Variants in TPR observed in about 807,000 individuals in gnomAD.
The protein encoded by TPR is nucleoprotein TPR.
A neutral mutation model predicts 316.1 loss-of-function variants in TPR; 51 were observed. That is an observed-to-expected ratio of 0.16 (90% confidence interval 0.13 to 0.20). The LOEUF (loss-of-function observed/expected upper bound fraction) is 0.20. Ranked by LOEUF, TPR falls within the 10% of genes least tolerant of loss-of-function variation. The pLI, the probability that TPR is intolerant of heterozygous loss-of-function variation, is 1.00. For missense variants in TPR, 2,272 were observed against 2,754.8 expected, an observed-to-expected ratio of 0.82 and a Z score of 3.92; for synonymous variants, 981 against 914.7, an observed-to-expected ratio of 1.07 and a Z score of -1.31.
chr1:186,346,532 C>G (rs1188255806), intron 22 of TPR, among the ~76,000 whole-genome samples: 1 of 152,056 alleles, frequency 6.6e-6, no homozygotes, highest in Non-Finnish European at 1.5e-5. Flanking sequence ...AATTTCCAAT[C>G]TCTCATTTCT....
At chr1:186,344,932 T>C (rs1369224045) in intron 24 of TPR, among the ~76,000 whole-genome samples, 1 of 152,120 alleles carries the variant, frequency 6.6e-6, no homozygotes, top group Non-Finnish European at 1.5e-5. Flanking sequence ...GTCACATATA[T>C]ATAGGCAATA....
intron 21 of TPR, 138 bp downstream of exon 21, chr1:186,350,085 A>C (rs558964974): frequency 4.6e-4 from 403 of 874,684 alleles, no homozygotes; most frequent in Non-Finnish European, 5.7e-4. Context: ...TATATAAAGA[A>C]AAAGTTGGGT....
At position 186,339,771 on chromosome 1, in the gene TPR, T is replaced by C. The variant is rs753887327; in HGVS notation, c.4022A>G (p.His1341Arg). The C allele has an allele frequency of 1.3e-6, 2 of 1,572,304 alleles. No homozygotes were observed. The highest frequency in any genetic ancestry group is 2.3e-5 in the East Asian group (1 of 43,682). ...TGGATCTTTCTGTTGACTTACTAGA[T>C]GCTAGAATAACAAAAATGCATACTT... ...DVKRWKARNQ[H>R]LVSQQKDPDT... is the part of the protein sequence containing the mutation. Residue 1341 changes from histidine (H) to arginine (R), a missense_variant and splice_region_variant, in exon 30 of 51, where the codon CAT becomes CGT. Physicochemically the swap from His to Arg is conservative, Grantham distance 29. Transcript: ENST00000367478.
rs937820692 is a variant in TPR, at chr1:186,374,903, C to T, written c.126G>A (p.Arg42=). 1.3e-6 allele frequency: 2 copies of T among 1,598,692 alleles called. No individual in the cohort carries two copies. Among genetic ancestry groups the T allele is most frequent in the Admixed American group, 1.7e-5 (1 of 59,634 alleles). ...QQSEIDGLKG[R]HEKFKVESEQ... is the part of the protein sequence containing the mutation. ...CGCTCTCCACCTTAAATTTCTCATGCCGCCCCTTCAGGCCATCGATCTCGG... is the reference window on the plus strand; with the variant it reads ...CGCTCTCCACCTTAAATTTCTCATGTCGCCCCTTCAGGCCATCGATCTCGG... Residue 42 remains arginine, a synonymous_variant, in exon 1 of 51, where the codon CGG becomes CGA. Coordinates refer to ENST00000367478, the MANE Select transcript of TPR (RefSeq NM_003292.3).
chr1:186,324,415 A>C (rs1326395512), intron 42 of TPR, among the ~76,000 whole-genome samples: 1 of 152,156 alleles, frequency 6.6e-6, no homozygotes. Flanking sequence ...GGTTTTCCTG[A>C]ATTTTGAATT....
chr1:186,311,691 T>C lies in TPR; in HGVS notation c.*2280A>G, dbSNP rs977949316. 4.7e-6 allele frequency: 6 copies of C among 1,282,096 alleles called. No homozygotes were observed. The African/African-American group carries it at 8.9e-5, about 19-fold the overall frequency. 79.4% of individuals were successfully genotyped at this position (1,282,096 alleles called of 1,614,324 possible). A position where few individuals can be genotyped will look rare whatever the true frequency, so the allele number is the denominator to read the frequency against. ...TGACTTTACTGTCAAAAGATATCTTTAATGGCTGAAATCAAATATTTTCAG... is the reference window on the plus strand; with the variant it reads ...TGACTTTACTGTCAAAAGATATCTTCAATGGCTGAAATCAAATATTTTCAG... On this transcript the variant is annotated 3_prime_UTR_variant, in exon 51 of 51. Transcript: ENST00000367478.
At chr1:186,337,903 A>C (rs1658387919) in intron 31 of TPR, 130 bp downstream of exon 31, 1 of 783,614 alleles carries the variant, frequency 1.3e-6, no homozygotes, top group African/African-American at 1.8e-5. Flanking sequence ...AACTAATCTT[A>C]AATAAAGATA....
In TPR at chr1:186,339,749, ATCT is replaced by A; in HGVS notation, c.4041_4043del (p.Lys1347_Asp1348delinsAsn). ...GCTTCCGATATTCTTCTGTATCTGG[ATCT>A]TTCTGTTGACTTACTAGATGCTAGA... is the stretch of plus-strand genomic sequence containing the variant. On this transcript the variant is annotated inframe_deletion, in exon 30 of 51. Transcript: ENST00000367478. 6.2e-7 allele frequency: 1 copy of A among 1,601,596 alleles called. No individual in the cohort carries two copies.
chr1:186,344,491 C>G lies in TPR; in HGVS notation c.3301G>C (p.Glu1101Gln), dbSNP rs1295797973. Residue 1101 changes from glutamate to glutamine, a missense_variant, in exon 25 of 51, where the codon GAG becomes CAG. Coordinates refer to ENST00000367478, the MANE Select transcript of TPR (RefSeq NM_003292.3). ...ADVEALQAAK[E>Q]QVSKMASVRQ... ...ACTGATGCCATTTTTGAAACCTGCT[C>G]CTTCGCAGCTTGTAGAGCTTCAACA... 1 of 1,613,888 alleles carries G rather than the reference C, an allele frequency of 6.2e-7. No homozygotes were observed. The highest frequency in any genetic ancestry group is 8.5e-7 in the Non-Finnish European group (1 of 1,179,932).
Position 186,341,026 on chromosome 1 carries a change from A to T in TPR, c.4020+2T>A. The T allele has an allele frequency of 1.2e-6, 2 of 1,611,858 alleles. No individual in the cohort carries two copies. The highest frequency in any genetic ancestry group is 1.7e-6 in the Non-Finnish European group (2 of 1,179,534). Reference sequence around the variant, plus strand: ...TTTTGGAAGAGTTTTAACTGCATTTACCTGGTTACGTGCTTTCCAACGTTT... The same window carrying T: ...TTTTGGAAGAGTTTTAACTGCATTTTCCTGGTTACGTGCTTTCCAACGTTT... On this transcript the variant is annotated splice_donor_variant, in intron 29 of 50. Coordinates refer to ENST00000367478, the MANE Select transcript of TPR (RefSeq NM_003292.3). LOFTEE classifies it high-confidence loss of function.
In TPR at chr1:186,343,489, T is replaced by C. The variant is rs751007890; in HGVS notation, c.3603-16A>G. ...TCGTATAAATCTACAAAAATACAGA[T>C]ATTAAAATTTTATGTGAATTTTAAA... On this transcript the variant is annotated splice_polypyrimidine_tract_variant and intron_variant, in intron 26 of 50. Transcript: ENST00000367478. The C allele has an allele frequency of 5.0e-6, 8 of 1,594,202 alleles. No homozygotes were observed. The South Asian group carries it at 5.8e-5, about 12-fold the overall frequency.
In TPR at chr1:186,344,144, AAAC is replaced by A. The variant is rs376131351; in HGVS notation, c.3418-57_3418-55del. The A allele has an allele frequency of 1.2e-4, 194 of 1,563,194 alleles. 1 individual carries two copies. In the African/African-American group the frequency reaches 2.3e-3, roughly 18 times the overall value. On this transcript the variant is annotated intron_variant, in intron 25 of 50. Coordinates refer to ENST00000367478, the MANE Select transcript of TPR (RefSeq NM_003292.3). ...AGATTTTCCAATGCATATTTAAAAA[AAAC>A]AACTTGGCCAGGCGCGGTGGCTAAC...
At chr1:186,361,730 G>T (rs1192953326) in intron 8 of TPR, 21 bp from the exon 9 acceptor site, 2 of 1,613,142 alleles carry the variant, frequency 1.2e-6, no homozygotes, top group Non-Finnish European at 1.7e-6. Context: ...ATCTTAAAAA[G>T]TTACCTAACA....
At position 186,341,022 on chromosome 1, in the gene TPR, A is replaced by G. The variant is rs761123856; in HGVS notation, c.4020+6T>C. On this transcript the variant is annotated splice_donor_region_variant and intron_variant, in intron 29 of 50. Coordinates refer to ENST00000367478, the MANE Select transcript of TPR (RefSeq NM_003292.3). The stretch of plus-strand genomic sequence containing the variant: ...CATGTTTTGGAAGAGTTTTAACTGC[A>G]TTTACCTGGTTACGTGCTTTCCAAC... 4.3e-6 allele frequency: 7 copies of G among 1,611,494 alleles called. No homozygotes were observed. In the East Asian group the frequency reaches 1.6e-4, roughly 36 times the overall value.
chr1:186,313,428 T>C lies in TPR; in HGVS notation c.*543A>G. 1 of 443,684 alleles carries C rather than the reference T, an allele frequency of 2.3e-6. No homozygotes were observed. The highest frequency in any genetic ancestry group is 4.0e-6 in the Non-Finnish European group (1 of 248,460). 27.5% of individuals were successfully genotyped at this position (443,684 alleles called of 1,614,324 possible). On this transcript the variant is annotated 3_prime_UTR_variant, in exon 51 of 51. Transcript: ENST00000367478. ...TTTTTCAAACTTGGTTACTCTTTAA[T>C]GTTTACTTCATAAAGGAGAGCTGAA...
chr1:186,322,731 C>A (rs1657806577), intron 43 of TPR, 145 bp from the exon 44 acceptor site: 4 of 744,256 alleles, frequency 5.4e-6, no homozygotes, highest in Admixed American at 2.7e-5. Context: ...GGAAAACCTG[C>A]CAAGAAATCA....
rs537310192 is a variant in TPR at position 186,375,140 on chromosome 1, C to A, written c.-112G>T. ...GGGCCGCCGCCTCTATCACCTCGCT[C>A]GGTGGCTCGCGCGCGCCCGCCCGCC... is the stretch of plus-strand genomic sequence containing the variant. On this transcript the variant is annotated 5_prime_UTR_variant, in exon 1 of 51. Transcript: ENST00000367478. 9.0e-6 allele frequency: 14 copies of A among 1,550,680 alleles called. No homozygotes were observed. The highest frequency in any genetic ancestry group is 1.2e-5 in the Non-Finnish European group (14 of 1,147,762).
In TPR at chr1:186,368,591, CAG is replaced by C. The variant is rs1659413822; in HGVS notation, c.331-611_331-610del. 9.2e-5 allele frequency among the ~76,000 whole-genome samples: 14 copies of C among 152,310 alleles called. No homozygotes were observed. The South Asian group carries it at 2.7e-3, about 29-fold the overall frequency. On this transcript the variant is annotated intron_variant, in intron 3 of 50. Coordinates refer to ENST00000367478, the MANE Select transcript of TPR (RefSeq NM_003292.3). Reference sequence around the variant, plus strand: ...CATCACTGCACTCTAGCCTGAGTGACAGAGTGAGACCCTGTCTCAAAAACAAA... The same window carrying C: ...CATCACTGCACTCTAGCCTGAGTGACAGTGAGACCCTGTCTCAAAAACAAA...
At chr1:186,355,839 T>G in intron 15 of TPR, 71 bp from the exon 16 acceptor site, 1 of 1,533,164 alleles carries the variant, frequency 6.5e-7, no homozygotes, top group Non-Finnish European at 8.9e-7. Flanking sequence ...AATGCTTCTT[T>G]GCAAATACAC....
Sources: gnomAD v4.1 joint callset for allele counts (sites outside exome capture counted in the v4.1 genomes callset) on GRCh38, gnomAD v4.1.1 for gene constraint, MANE v1.5 for transcripts, NCBI Gene and HGNC (gene_info 2026-07-23, HGNC 2026-07-21) for gene names.